Variants in AP3M2 observed in about 807,000 individuals in gnomAD.
The protein encoded by AP3M2 is AP-3 complex subunit mu-2.
AP3M2 carries 28 observed loss-of-function variants against 41.6 expected under a neutral mutation model. That is an observed-to-expected ratio of 0.67 (90% CI 0.50 to 0.92). The LOEUF is 0.92. AP3M2 is among the 40% of genes least tolerant of loss of function. AP3M2 has a pLI of 0.00. For missense variants in AP3M2, 427 were observed against 521.4 expected, an observed-to-expected ratio of 0.82 and a Z score of 1.76; for synonymous variants, 193 against 186.4, an observed-to-expected ratio of 1.04 and a Z score of -0.29.
chr8:42,167,911 G>A, intron 8 of AP3M2, 101 bp downstream of exon 8: 1 of 1,413,860 alleles, frequency 7.1e-7, no homozygotes, highest in Non-Finnish European at 9.6e-7. Flanking sequence ...CTGTTTACAA[G>A]GTTTAGTTTC....
chr8:42,163,632 A>G (rs1804567325), intron 4 of AP3M2, among the ~76,000 whole-genome samples: 1 of 152,178 alleles, frequency 6.6e-6, no homozygotes, highest in South Asian at 2.1e-4. Flanking sequence ...AAAAAATCAG[A>G]TGCATAAGAT....
In AP3M2 at chr8:42,170,024, T is replaced by C. The variant is rs1329544974; in HGVS notation, c.*963T>C. 6.6e-6 allele frequency: 1 copy of C among 151,664 alleles called. No individual in the cohort carries two copies. The highest frequency in any genetic ancestry group is 1.9e-4 in the East Asian group (1 of 5,200). The allele number at this position is 151,664 out of a possible 1,614,324, so 9.4% of individuals were successfully genotyped here. On this transcript the variant is annotated 3_prime_UTR_variant, in exon 9 of 9. Transcript: ENST00000396926. ...CAGTGCAGCCAGGGTTTGTGTGTCA[T>C]CGTACTGGAGTAGAGGGCCGACTCT...
intron 6 of AP3M2, 137 bp from the exon 7 acceptor site, chr8:42,167,027 T>C: frequency 1.4e-6 from 1 of 724,628 alleles, no homozygotes; most frequent in Non-Finnish European, 2.3e-6. Flanking sequence ...TTTTTCTGTT[T>C]ATTTTTTCAG....
chr8:42,166,257 A>C (rs889575130), intron 6 of AP3M2, among the ~76,000 whole-genome samples: 1 of 152,184 alleles, frequency 6.6e-6, no homozygotes, highest in African/African-American at 2.4e-5. Context: ...ATCAGTACCT[A>C]CTACATAGTT....
At chr8:42,167,927 C>G in intron 8 of AP3M2, 117 bp downstream of exon 8, 3 of 1,255,090 alleles carry the variant, frequency 2.4e-6, no homozygotes, top group Non-Finnish European at 3.3e-6. Flanking sequence ...GTTTCATTAC[C>G]TGATAAACAA....
In AP3M2 at chr8:42,169,403, ACTT is replaced by A. The variant is rs1804733262; in HGVS notation, c.*346_*348del. On this transcript the variant is annotated 3_prime_UTR_variant, in exon 9 of 9. Coordinates refer to ENST00000396926, the MANE Select transcript of AP3M2 (RefSeq NM_006803.4). Reference sequence around the variant, plus strand: ...TTTAATTATCTAAAGCCAATGAAAGACTTCTTTGTTGATTTTTTAAGATAGAAA... The same window carrying A: ...TTTAATTATCTAAAGCCAATGAAAGACTTTGTTGATTTTTTAAGATAGAAA... The A allele has an allele frequency of 1.1e-5, 2 of 175,250 alleles. No homozygotes were observed. Among genetic ancestry groups the A allele is most frequent in the African/African-American group, 4.7e-5 (2 of 42,372 alleles). 10.9% of individuals were successfully genotyped at this position (175,250 alleles called of 1,614,324 possible).
chr8:42,165,344 A>C, intron 5 of AP3M2, 83 bp from the exon 6 acceptor site: 4 of 1,541,438 alleles, frequency 2.6e-6, no homozygotes, highest in Non-Finnish European at 3.5e-6. Flanking sequence ...GTTTTAATTA[A>C]AAACAGCATT....
In AP3M2 at chr8:42,169,786, T is replaced by C. The variant is rs1468960285; in HGVS notation, c.*725T>C. On this transcript the variant is annotated 3_prime_UTR_variant, in exon 9 of 9. Transcript: ENST00000396926. Reference sequence around the variant, plus strand: ...ATCGGACTAGTTTTCAGACACTGCCTGTTGCTGTCCATCAGCACTTGGTCT... The same window carrying C: ...ATCGGACTAGTTTTCAGACACTGCCCGTTGCTGTCCATCAGCACTTGGTCT... The C allele has an allele frequency of 6.6e-6, 1 of 152,234 alleles. No homozygotes were observed. Among genetic ancestry groups the C allele is most frequent in the African/African-American group, 2.4e-5 (1 of 41,464 alleles). 9.4% of individuals were successfully genotyped at this position (152,234 alleles called of 1,614,324 possible).
chr8:42,168,907 C>T (rs1804711778), intron 8 of AP3M2, 54 bp from the exon 9 acceptor site: 2 of 1,378,256 alleles, frequency 1.5e-6, no homozygotes, highest in Admixed American at 2.1e-5. Flanking sequence ...GTTAGGCGAC[C>T]TGCTCCTTTT....
rs1026080898 is a variant in AP3M2 at position 42,165,602 on chromosome 8, C to T, written c.803+42C>T. ...ATTAAGAATGGAATCCGTGTATGTA[C>T]ATGTATGTGGAAACCGTATCTGTGG... On this transcript the variant is annotated intron_variant, in intron 6 of 8. Transcript: ENST00000396926. 6 of 1,607,200 alleles carry T rather than the reference C, an allele frequency of 3.7e-6. No individual in the cohort carries two copies. The East Asian group carries it at 1.1e-4, about 30-fold the overall frequency.
intron 4 of AP3M2, among the ~76,000 whole-genome samples, chr8:42,164,692 G>A (rs1298086539): frequency 6.6e-6 from 1 of 152,172 alleles, no homozygotes; most frequent in Non-Finnish European, 1.5e-5. Context: ...AGAGCTCATT[G>A]GTGACCTTAG....
At chr8:42,157,502 T>TC (rs1804385188) in intron 2 of AP3M2, among the ~76,000 whole-genome samples, 1 of 152,210 alleles carries the variant, frequency 6.6e-6, no homozygotes. Flanking sequence ...TTCATTTTTT[T>TC]CCCCTCAACT....
At chr8:42,158,423 A>G (rs1804418156) in intron 3 of AP3M2, among the ~76,000 whole-genome samples, 1 of 151,268 alleles carries the variant, frequency 6.6e-6, no homozygotes, top group African/African-American at 2.4e-5. Context: ...TAATTTTTGT[A>G]TTTTTAGTAG....
At chr8:42,155,049 T>G (rs1804320568) in intron 2 of AP3M2, 89 bp downstream of exon 2, 3 of 1,140,162 alleles carry the variant, frequency 2.6e-6, no homozygotes, top group Non-Finnish European at 3.8e-6. Context: ...ATTAAGAAAC[T>G]TAAAAAAAAA....
intron 8 of AP3M2, 51 bp from the exon 9 acceptor site, chr8:42,168,910 C>A: frequency 7.1e-7 from 1 of 1,399,380 alleles, no homozygotes; most frequent in Non-Finnish European, 9.8e-7. Context: ...AGGCGACCTG[C>A]TCCTTTTGAA....
At chr8:42,158,239 T>C in intron 3 of AP3M2, 127 bp downstream of exon 3, 6 of 881,728 alleles carry the variant, frequency 6.8e-6, no homozygotes, top group Non-Finnish European at 9.8e-6. Flanking sequence ...TTAATTTTGC[T>C]CTTTGTAGTT....
chr8:42,168,859 T>C, intron 8 of AP3M2, 102 bp from the exon 9 acceptor site: 1 of 792,178 alleles, frequency 1.3e-6, no homozygotes, highest in Non-Finnish European at 2.0e-6. Context: ...GTCACAGCAA[T>C]GTCGGTCCCA....
chr8:42,160,047 G>T (rs1804469383), intron 3 of AP3M2, among the ~76,000 whole-genome samples: 1 of 151,456 alleles, frequency 6.6e-6, no homozygotes, highest in Non-Finnish European at 1.5e-5. Flanking sequence ...ATATATTACA[G>T]GTTTAACATC....
Position 42,169,134 on chromosome 8 carries a change from T to C in AP3M2, c.*73T>C, listed in dbSNP as rs1476324385. 3.9e-6 allele frequency: 5 copies of C among 1,290,604 alleles called. No individual in the cohort carries two copies. Among genetic ancestry groups the C allele is most frequent in the Non-Finnish European group, 5.4e-6 (5 of 924,820 alleles). 79.9% of individuals were successfully genotyped at this position (1,290,604 alleles called of 1,614,324 possible). On this transcript the variant is annotated 3_prime_UTR_variant, in exon 9 of 9. Transcript: ENST00000396926. ...ACTTGTCTAAAAGTAAAAAAAAATA[T>C]CAGCCTGTCTCCTAGGTCAGTCCCC...
Sources: gnomAD v4.1 joint callset for allele counts (sites outside exome capture counted in the v4.1 genomes callset) on GRCh38, gnomAD v4.1.1 for gene constraint, MANE v1.5 for transcripts, NCBI Gene and HGNC (gene_info 2026-07-23, HGNC 2026-07-21) for gene names.